The following ATL1 variants were observed in gnomAD, a reference collection of about 807,000 sequenced individuals.
ATL1 encodes atlastin GTPase 1.
In ATL1, 31 loss-of-function variants were observed where a neutral mutation model predicts 75.5. The observed-to-expected ratio is 0.41, with a 90% CI of 0.31 to 0.55. The LOEUF is 0.55. Among genes scored for constraint, ATL1 ranks in the 20% least tolerant of loss-of-function variants. ATL1 has a pLI of 0.27. For synonymous variants in ATL1, 226 were observed against 233.3 expected, an observed-to-expected ratio of 0.97 and a Z score of 0.28; for missense variants, 405 against 662.6, an observed-to-expected ratio of 0.61 and a Z score of 4.27.
At chr14:50,545,091 A>G (rs1268166030) in intron 1 of ATL1, among the ~76,000 whole-genome samples, 2 of 152,156 alleles carry the variant, frequency 1.3e-5, no homozygotes, top group African/African-American at 4.8e-5. Flanking sequence ...GTTTCTGAGA[A>G]CCCAAACATC....
chr14:50,540,000 CT>C (rs753385160), intron 1 of ATL1, among the ~76,000 whole-genome samples: 1 of 152,082 alleles, frequency 6.6e-6, no homozygotes, highest in Non-Finnish European at 1.5e-5. Context: ...ACAATTTACT[CT>C]TTTCAAGGCA....
chr14:50,568,874 A>T (rs1184167730), intron 1 of ATL1, among the ~76,000 whole-genome samples: 1 of 151,698 alleles, frequency 6.6e-6, no homozygotes, highest in Non-Finnish European at 1.5e-5. Flanking sequence ...TACCATGGAG[A>T]TTACATTTAA....
intron 9 of ATL1, 56 bp from the exon 10 acceptor site, chr14:50,621,787 T>G: frequency 9.2e-7 from 1 of 1,091,168 alleles, no homozygotes; most frequent in African/African-American, 1.5e-5. Context: ...TTTCATAGAA[T>G]TAGAGGAAAT....
At chr14:50,575,123 A>G (rs1013142572) in intron 1 of ATL1, among the ~76,000 whole-genome samples, 1 of 151,096 alleles carries the variant, frequency 6.6e-6, no homozygotes, top group African/African-American at 2.4e-5. Context: ...TTAGCCATTT[A>G]TATTTCTATT....
At chr14:50,596,449 T>C (rs183094046) in intron 6 of ATL1, among the ~76,000 whole-genome samples, 1 of 152,180 alleles carries the variant, frequency 6.6e-6, no homozygotes, top group Non-Finnish European at 1.5e-5. Flanking sequence ...TGAGTAACAA[T>C]ACAGAAGATG....
intron 6 of ATL1, among the ~76,000 whole-genome samples, chr14:50,603,717 G>A (rs1009818155): frequency 6.6e-6 from 1 of 152,188 alleles, no homozygotes; most frequent in Non-Finnish European, 1.5e-5. Flanking sequence ...TATCTGTGAT[G>A]ATTATAACTG....
intron 1 of ATL1, among the ~76,000 whole-genome samples, chr14:50,568,442 T>A (rs2038924742): frequency 6.6e-6 from 1 of 152,154 alleles, no homozygotes; most frequent in Non-Finnish European, 1.5e-5. Context: ...TCTGTTAACT[T>A]CTGTGGTTTT....
At chr14:50,607,735 A>T (rs953784990) in intron 6 of ATL1, among the ~76,000 whole-genome samples, 2 of 152,052 alleles carry the variant, frequency 1.3e-5, no homozygotes, top group Non-Finnish European at 2.9e-5. Context: ...GAATAATTTC[A>T]TATATTTATA....
intron 1 of ATL1, among the ~76,000 whole-genome samples, chr14:50,582,463 G>A (rs1365960811): frequency 6.7e-6 from 1 of 148,884 alleles, no homozygotes; most frequent in East Asian, 2.0e-4. Flanking sequence ...AGGCTGGCGT[G>A]CAGTGGTGTG....
At chr14:50,627,952 C>A (rs189760789) in intron 11 of ATL1, 79 bp from the exon 12 acceptor site, 2 of 1,387,880 alleles carry the variant, frequency 1.4e-6, no homozygotes, top group Non-Finnish European at 2.0e-6. Flanking sequence ...ACAAACTCAA[C>A]TAGCTAAGTG....
upstream of ATL1, chr14:50,559,978 G>A (rs2038814526): frequency 6.2e-6 from 3 of 487,086 alleles, no homozygotes; most frequent in African/African-American, 3.9e-5. Flanking sequence ...AAAATGTTGC[G>A]GTACGTGGTC....
At chr14:50,567,576 C>T (rs2038916468) in intron 1 of ATL1, among the ~76,000 whole-genome samples, 1 of 152,160 alleles carries the variant, frequency 6.6e-6, no homozygotes. Context: ...TTTATGTTCT[C>T]ATCAACAGTG....
At chr14:50,589,252 C>A (rs369998999) in intron 2 of ATL1, among the ~76,000 whole-genome samples, 10 of 151,254 alleles carry the variant, frequency 6.6e-5, no homozygotes, top group Admixed American at 5.9e-4. Flanking sequence ...CTCTGCCTCC[C>A]GGGTTCAAGG....
At chr14:50,609,029 TC>T (rs2039339479) in intron 6 of ATL1, among the ~76,000 whole-genome samples, 1 of 151,826 alleles carries the variant, frequency 6.6e-6, no homozygotes, top group Non-Finnish European at 1.5e-5. Context: ...GCAAGAAAGA[TC>T]CATAATCGCA....
intron 1 of ATL1, among the ~76,000 whole-genome samples, chr14:50,574,371 T>C (rs991642757): frequency 6.6e-6 from 1 of 152,166 alleles, no homozygotes; most frequent in Non-Finnish European, 1.5e-5. Flanking sequence ...ACAAGAGCTC[T>C]CCCAAGAAAG....
chr14:50,556,334 G>C (rs2038765217), upstream of ATL1, among the ~76,000 whole-genome samples: 1 of 152,078 alleles, frequency 6.6e-6, no homozygotes, highest in Admixed American at 6.5e-5. Context: ...TCCCACCTCA[G>C]CCTCTTGAGT....
At chr14:50,572,776 T>C (rs1461729314) in intron 1 of ATL1, among the ~76,000 whole-genome samples, 1 of 152,228 alleles carries the variant, frequency 6.6e-6, no homozygotes, top group African/African-American at 2.4e-5. Context: ...TGTTGATATG[T>C]AGTAGATTTA....
rs568714085 is a variant in ATL1 at position 50,571,442 on chromosome 14, GTTC to G, written c.34+11148_34+11150del. 1.8e-3 allele frequency among the ~76,000 whole-genome samples: 274 copies of G among 152,286 alleles called. 1 individual carries two copies. The highest frequency in any genetic ancestry group is 3.5e-3 in the Non-Finnish European group (235 of 68,014). ...TTTCAAGTTTTTAATGGATTCCAGA[GTTC>G]TTCTCAGAACTCTTTCCAGTCTCAC... On this transcript the variant is annotated intron_variant, in intron 1 of 13. Coordinates refer to ENST00000358385, the MANE Select transcript of ATL1 (RefSeq NM_015915.5).
intron 13 of ATL1, among the ~76,000 whole-genome samples, chr14:50,631,462 C>T (rs1396491042): frequency 2.0e-5 from 3 of 151,996 alleles, no homozygotes; most frequent in Non-Finnish European, 4.4e-5. Flanking sequence ...TTGTAACTGA[C>T]TGTCAAGTAT....
Sources: gnomAD v4.1 joint callset for allele counts (sites outside exome capture counted in the v4.1 genomes callset) on GRCh38, gnomAD v4.1.1 for gene constraint, MANE v1.5 for transcripts, NCBI Gene and HGNC (gene_info 2026-07-23, HGNC 2026-07-21) for gene names.